The following TEN1 variants were observed in gnomAD, a reference collection of about 807,000 sequenced individuals.
TEN1 encodes TEN1 subunit of CST complex.
Under a neutral mutation model 9.3 loss-of-function variants are expected in TEN1, and 6 were observed. The observed-to-expected ratio is 0.65, with a 90% CI of 0.35 to 1.27. The LOEUF (loss-of-function observed/expected upper bound fraction) is 1.27, where lower values mean the gene tolerates loss of function less well. TEN1 is among the 50% of genes most tolerant of loss of function. TEN1 has a pLI of 0.03. For missense variants in TEN1, 149 were observed against 158.2 expected (o/e 0.94, Z 0.31); for synonymous variants, 65 against 65.6 (o/e 0.99, Z 0.04).
At chr17:75,992,046 CAAAAAAAAAAAA>C (rs11309442) in intron 3 of TEN1, among the ~76,000 whole-genome samples, 1 of 54,154 alleles carries the variant, frequency 1.8e-5, no homozygotes, top group Admixed American at 1.9e-4. Flanking sequence ...GACTCCGTCT[CAAAAAAAAAAAA>C]AAAAAAAAAA....
Position 76,000,450 on chromosome 17 carries a change from C to CA in TEN1, c.*189dup, listed in dbSNP as rs1170678746. ...GGCTCAGCAATGAGAACCCAGAAAGCATGCCATAAATCCGACAGCCCCACC... is the reference window on the plus strand; with the variant it reads ...GGCTCAGCAATGAGAACCCAGAAAGCAATGCCATAAATCCGACAGCCCCACC... On this transcript the variant is annotated 3_prime_UTR_variant, in exon 4 of 4. Coordinates refer to ENST00000397640, the MANE Select transcript of TEN1 (RefSeq NM_001113324.3). This position sits in a 1 kb window ranked among gnomAD's most constrained non-coding sequence, Gnocchi z 5.9. 1 of 908,022 alleles carries CA rather than the reference C, an allele frequency of 1.1e-6. No homozygotes were observed. The highest frequency in any genetic ancestry group is 1.6e-6 in the Non-Finnish European group (1 of 628,808). The allele number at this position is 908,022 out of a possible 1,614,324, so 56.2% of individuals were successfully genotyped here. A position where few individuals can be genotyped will look rare whatever the true frequency, so the allele number is the denominator to read the frequency against.
intron 3 of TEN1, among the ~76,000 whole-genome samples, chr17:75,993,452 C>T (rs906348403): frequency 1.3e-5 from 2 of 151,972 alleles, no homozygotes; most frequent in Non-Finnish European, 2.9e-5. Flanking sequence ...AGGAGAAATC[C>T]GTAAATTCAA....
intron 2 of TEN1, among the ~76,000 whole-genome samples, chr17:75,988,494 T>C (rs4550479): frequency 1 from 147,375 of 147,376 alleles, 73,687 homozygotes; most frequent in Non-Finnish European, 1. Flanking sequence ...CCTGGGAGGT[T>C]TAGGCTGCAG....
chr17:75,992,235 TTTTTAGTTTTTTTGAGACAAG>T (rs1009493447), intron 3 of TEN1, among the ~76,000 whole-genome samples: 6 of 151,686 alleles, frequency 4.0e-5, no homozygotes, highest in Non-Finnish European at 7.4e-5. Context: ...AAATTTTTTT[TTTTTAGTTTTTTTGAGACAAG>T]ATCTCTCTCT....
intron 2 of TEN1, among the ~76,000 whole-genome samples, chr17:75,989,267 TTTTTTTTTTTG>T (rs945727122): frequency 4.2e-4 from 62 of 146,336 alleles, no homozygotes; most frequent in Middle Eastern, 7.2e-3. Context: ...GCCCGGCTAA[TTTTTTTTTTTG>T]TTTTTTTTTT....
At position 76,000,088 on chromosome 17, in the gene TEN1, CG is replaced by C; in HGVS notation, c.251-52del. The C allele has an allele frequency of 6.5e-7, 1 of 1,535,812 alleles. No individual in the cohort carries two copies. Among genetic ancestry groups the C allele is most frequent in the Non-Finnish European group, 8.8e-7 (1 of 1,136,642 alleles). Reference sequence around the variant, plus strand: ...AACAGCTGGAATGCACCTTGGAGGACGTTGTTGACACGCCGCTCAGTCGCCG... The same window carrying C: ...AACAGCTGGAATGCACCTTGGAGGACTTGTTGACACGCCGCTCAGTCGCCG... On this transcript the variant is annotated intron_variant, in intron 3 of 3. Coordinates refer to ENST00000397640, the MANE Select transcript of TEN1 (RefSeq NM_001113324.3). The surrounding 1 kb of genome is among the most constrained non-coding windows in gnomAD (Gnocchi z 5.9).
At chr17:75,989,931 G>A (rs2066175144) in intron 2 of TEN1, among the ~76,000 whole-genome samples, 1 of 150,534 alleles carries the variant, frequency 6.6e-6, no homozygotes, top group African/African-American at 2.4e-5. Context: ...AAAAATTATA[G>A]AGACGGCATC....
At chr17:75,985,822 C>T (rs1178022636) in intron 1 of TEN1, among the ~76,000 whole-genome samples, 3 of 151,760 alleles carry the variant, frequency 2.0e-5, no homozygotes, top group Admixed American at 1.3e-4. Flanking sequence ...CTGCACCCGG[C>T]CATGTTTTTT....
At chr17:75,979,740 A>C (rs1295643004) in intron 1 of TEN1, among the ~76,000 whole-genome samples, 1 of 151,852 alleles carries the variant, frequency 6.6e-6, no homozygotes, top group African/African-American at 2.4e-5. Flanking sequence ...CCCGGATTGG[A>C]GAAGAATGGG....
At position 76,000,082 on chromosome 17, in the gene TEN1, G is replaced by A. The variant is rs2066244592; in HGVS notation, c.251-59G>A. 1.3e-6 allele frequency: 2 copies of A among 1,532,570 alleles called. No individual in the cohort carries two copies. Among genetic ancestry groups the A allele is most frequent in the Non-Finnish European group, 8.8e-7 (1 of 1,134,620 alleles). The allele number at this position is 1,532,570 out of a possible 1,614,324, so 94.9% of individuals were successfully genotyped here. ...GGAGGGAACAGCTGGAATGCACCTT[G>A]GAGGACGTTGTTGACACGCCGCTCA... On this transcript the variant is annotated intron_variant, in intron 3 of 3. Coordinates refer to ENST00000397640, the MANE Select transcript of TEN1 (RefSeq NM_001113324.3). The surrounding 1 kb of genome is among the most constrained non-coding windows in gnomAD (Gnocchi z 5.9).
intron 2 of TEN1, among the ~76,000 whole-genome samples, chr17:75,991,242 C>T (rs1437749535): frequency 6.6e-6 from 1 of 151,566 alleles, no homozygotes; most frequent in Non-Finnish European, 1.5e-5. Flanking sequence ...CAAAATATGC[C>T]ATTAAGAAAA....
chr17:75,986,315 G>A, intron 2 of TEN1, 31 bp downstream of exon 2: 1 of 1,509,100 alleles, frequency 6.6e-7, no homozygotes, highest in Admixed American at 2.1e-5. Flanking sequence ...CACTGGTGGG[G>A]GTGATGATAT....
At chr17:75,991,323 C>G in intron 2 of TEN1, 143 bp from the exon 3 acceptor site, 1 of 809,930 alleles carries the variant, frequency 1.2e-6, no homozygotes. Flanking sequence ...ACATTTTTTT[C>G]TGGTTTGTTG....
At chr17:75,979,550 C>G (rs1263076458) in intron 1 of TEN1, 39 bp downstream of exon 1, 4 of 287,102 alleles carry the variant, frequency 1.4e-5, no homozygotes, top group Non-Finnish European at 2.8e-5. Flanking sequence ...GACAACGAGG[C>G]TGAGGAGGGA....
At chr17:75,988,456 G>A (rs1193057821) in intron 2 of TEN1, among the ~76,000 whole-genome samples, 1 of 150,958 alleles carries the variant, frequency 6.6e-6, no homozygotes, top group Non-Finnish European at 1.5e-5. Flanking sequence ...CAGCTACTGG[G>A]GAGGCTGAAG....
chr17:75,988,576 AAAAAAAAAAAAG>A (rs1409669545), intron 2 of TEN1, among the ~76,000 whole-genome samples: 1 of 149,540 alleles, frequency 6.7e-6, no homozygotes, highest in Admixed American at 6.6e-5. Context: ...AAAAAAAAAA[AAAAAAAAAAAAG>A]AAAAGAAGAA....
At chr17:75,993,173 A>G (rs1776043872) in intron 3 of TEN1, among the ~76,000 whole-genome samples, 1 of 145,632 alleles carries the variant, frequency 6.9e-6, no homozygotes, top group South Asian at 2.2e-4. Flanking sequence ...GCATGATCTC[A>G]GCTCACTGCA....
At chr17:75,996,480 C>T (rs1032586035) in intron 3 of TEN1, among the ~76,000 whole-genome samples, 2 of 150,618 alleles carry the variant, frequency 1.3e-5, no homozygotes, top group African/African-American at 4.9e-5. Context: ...AGCAAAACTC[C>T]ATCTCAAAAA....
chr17:75,983,954 A>G (rs1286987651), intron 1 of TEN1, among the ~76,000 whole-genome samples: 1 of 152,190 alleles, frequency 6.6e-6, no homozygotes, highest in Non-Finnish European at 1.5e-5. Context: ...TAACTGGGGA[A>G]GTTGCCTAGC....
Sources: allele counts gnomAD v4.1 joint callset (sites outside exome capture counted in the v4.1 genomes callset), GRCh38; gene constraint gnomAD v4.1.1; non-coding constraint Gnocchi (gnomAD v3.1); transcripts MANE v1.5; gene names NCBI Gene and HGNC (gene_info 2026-07-23, HGNC 2026-07-21).